Variants in DPH6 observed in about 807,000 individuals in gnomAD.
The protein encoded by DPH6 is diphthamine biosynthesis 6.
Under a neutral mutation model 38.2 loss-of-function variants are expected in DPH6, and 33 were observed. That is an observed-to-expected ratio of 0.86 (90% CI 0.65 to 1.15). DPH6 has a LOEUF of 1.15. DPH6 is among the 50% of genes most tolerant of loss of function. The probability of loss-of-function intolerance (pLI) is 0.00; values close to 1 mark genes in which losing one functional copy is unlikely to be tolerated. For missense variants in DPH6, 325 were observed against 320.0 expected (o/e 1.02, Z -0.12); for synonymous variants, 108 against 103.0 (o/e 1.05, Z -0.30).
chr15:35,434,795 CAG>C (rs1428212824), intron 5 of DPH6, among the ~76,000 whole-genome samples: 2 of 152,114 alleles, frequency 1.3e-5, no homozygotes, highest in Non-Finnish European at 2.9e-5. Context: ...CTTTTTGAGA[CAG>C]AGTCTCACTC....
rs1199818463 is a variant in DPH6, at chr15:35,412,425, T to C, written c.506-1529A>G. Among the ~76,000 whole-genome samples the C allele has an allele frequency of 3.3e-5, 5 of 151,346 alleles. No individual in the cohort carries two copies. The East Asian group carries it at 9.7e-4, about 29-fold the overall frequency. On this transcript the variant is annotated intron_variant, in intron 5 of 8. Coordinates refer to ENST00000256538, the MANE Select transcript of DPH6 (RefSeq NM_080650.4). Reference sequence around the variant, plus strand: ...GTCACTTTGTAAGACAGTTGGGAGGTTCTTACAAAACTGAACATATTCTTA... The same window carrying C: ...GTCACTTTGTAAGACAGTTGGGAGGCTCTTACAAAACTGAACATATTCTTA...
intron 5 of DPH6, among the ~76,000 whole-genome samples, chr15:35,419,068 TACACACACAC>T (rs145718698): frequency 3.4e-5 from 5 of 144,946 alleles, no homozygotes; most frequent in African/African-American, 1.0e-4. Flanking sequence ...CACACACACA[TACACACACAC>T]ACACACACAC....
At chr15:35,232,637 C>T (rs2051526172) in intron 3 of DPH6, among the ~76,000 whole-genome samples, 1 of 151,774 alleles carries the variant, frequency 6.6e-6, no homozygotes, top group African/African-American at 2.4e-5. Context: ...TATATATATC[C>T]AAGGCATGAA....
chr15:35,187,452 A>G, the DPH6 span, among the ~76,000 whole-genome samples: 1 of 152,108 alleles, frequency 6.6e-6, no homozygotes, highest in Non-Finnish European at 1.5e-5. Context: ...AACTGAACAG[A>G]TTTTTTTTAG....
intron 3 of DPH6, among the ~76,000 whole-genome samples, chr15:35,476,191 T>G (rs896815433): frequency 6.6e-6 from 1 of 151,894 alleles, no homozygotes; most frequent in Non-Finnish European, 1.5e-5. Context: ...GGCATGTATT[T>G]CTAACAATGA....
At chr15:35,535,889 T>G (rs577280539) in intron 3 of DPH6, among the ~76,000 whole-genome samples, 28 of 152,252 alleles carry the variant, frequency 1.8e-4, no homozygotes, top group African/African-American at 6.5e-4. Context: ...CTACTTCTTT[T>G]CAGAAATTAG....
intron 5 of DPH6, among the ~76,000 whole-genome samples, chr15:35,417,460 A>G (rs2053450843): frequency 1.3e-5 from 2 of 151,988 alleles, no homozygotes; most frequent in Admixed American, 1.3e-4. Flanking sequence ...AATAAAATAT[A>G]TTTCTCAATA....
intron 3 of DPH6, chr15:35,521,924 A>G (rs966011956): frequency 7.0e-7 from 1 of 1,419,712 alleles, no homozygotes; most frequent in Non-Finnish European, 9.2e-7. Context: ...AGTTGAATAC[A>G]TGGAAAGTTC....
intron 3 of DPH6, among the ~76,000 whole-genome samples, chr15:35,343,422 T>C (rs574805557): frequency 6.6e-6 from 1 of 152,202 alleles, no homozygotes; most frequent in East Asian, 1.9e-4. Context: ...ACTTTATTCT[T>C]AAATAATCAC....
the DPH6 span, among the ~76,000 whole-genome samples, chr15:35,176,938 T>C: frequency 6.6e-6 from 1 of 152,194 alleles, no homozygotes; most frequent in South Asian, 2.1e-4. Flanking sequence ...AGACATATGA[T>C]TAGAAATAGC....
chr15:35,330,481 T>A (rs2052319061), downstream of DPH6, among the ~76,000 whole-genome samples: 1 of 152,170 alleles, frequency 6.6e-6, no homozygotes, highest in South Asian at 2.1e-4. Flanking sequence ...CAATATCTCC[T>A]TTGCATTAAG....
chr15:35,482,871 ACAT>A (rs1595403349), intron 3 of DPH6, among the ~76,000 whole-genome samples: 1 of 152,134 alleles, frequency 6.6e-6, no homozygotes, highest in Non-Finnish European at 1.5e-5. Flanking sequence ...GCTTTAAAAA[ACAT>A]CATCAAGAAA....
the DPH6 span, among the ~76,000 whole-genome samples, chr15:35,187,527 A>ATGCCCAGC: frequency 9.8e-5 from 15 of 152,294 alleles, no homozygotes; most frequent in African/African-American, 2.9e-4. Flanking sequence ...ACTAGTGTTT[A>ATGCCCAGC]TGCCCAGCTG....
Position 35,242,322 on chromosome 15 carries a change from G to A in DPH6, n.201-21740C>T, listed in dbSNP as rs375943405. 4.9e-5 allele frequency among the ~76,000 whole-genome samples: 7 copies of A among 142,536 alleles called. 1 individual carries two copies. The highest frequency in any genetic ancestry group is 2.2e-4 in the East Asian group (1 of 4,532). 93.5% of individuals were successfully genotyped at this position (142,536 alleles called of 152,430 possible). On this transcript the variant is annotated intron_variant and non_coding_transcript_variant, in intron 3 of 3. Coordinates refer to the DPH6 transcript ENST00000560386. ...TTTCCTTCCTAGGCATGGTTAGTGCGGTCAGAATTCTTACACAAGAGCCAG... is the reference window on the plus strand; with the variant it reads ...TTTCCTTCCTAGGCATGGTTAGTGCAGTCAGAATTCTTACACAAGAGCCAG...
chr15:35,161,906 A>G, the DPH6 span, among the ~76,000 whole-genome samples: 3 of 151,756 alleles, frequency 2.0e-5, no homozygotes, highest in Non-Finnish European at 4.4e-5. Context: ...TGACTAATAC[A>G]CTCCTCTTTG....
intron 3 of DPH6, among the ~76,000 whole-genome samples, chr15:35,358,477 G>C (rs1595498945): frequency 6.6e-6 from 1 of 152,126 alleles, no homozygotes; most frequent in East Asian, 1.9e-4. Flanking sequence ...CATATTACCA[G>C]GGTTGGTTTT....
At chr15:35,232,504 C>G (rs1362376056) in intron 3 of DPH6, among the ~76,000 whole-genome samples, 2 of 152,042 alleles carry the variant, frequency 1.3e-5, no homozygotes, top group Non-Finnish European at 2.9e-5. Context: ...TCATTTGAAC[C>G]CGGGAGGCAG....
chr15:35,445,756 T>C (rs1212657134), intron 5 of DPH6, among the ~76,000 whole-genome samples: 2 of 152,236 alleles, frequency 1.3e-5, no homozygotes, highest in African/African-American at 4.8e-5. Flanking sequence ...CATAACTGCA[T>C]AAAATTCACT....
the DPH6 span, among the ~76,000 whole-genome samples, chr15:35,210,627 T>C: frequency 1.3e-5 from 2 of 152,184 alleles, no homozygotes; most frequent in Admixed American, 6.6e-5. Flanking sequence ...TGCTGGGCCT[T>C]AAAAGAATTA....
Sources: allele counts gnomAD v4.1 joint callset (sites outside exome capture counted in the v4.1 genomes callset), GRCh38; gene constraint gnomAD v4.1.1; transcripts MANE v1.5; gene names NCBI Gene and HGNC (gene_info 2026-07-23, HGNC 2026-07-21).